The following CTNNA2 variants were observed in gnomAD, a reference collection of about 807,000 sequenced individuals.
The protein encoded by CTNNA2 is catenin alpha-2.
Under a neutral mutation model 101.0 loss-of-function variants are expected in CTNNA2, and 42 were observed. The ratio of observed to expected loss-of-function variants is 0.42; its 90% CI spans 0.32 to 0.54. The LOEUF is 0.54. Ranked by LOEUF, CTNNA2 falls within the 20% of genes least tolerant of loss-of-function variation. The pLI, the probability that CTNNA2 is intolerant of heterozygous loss-of-function variation, is 0.14. For synonymous variants in CTNNA2, 450 were observed against 456.4 expected (o/e 0.99, Z 0.18); for missense variants, 871 against 1,223.1 (o/e 0.71, Z 4.29).
upstream of CTNNA2, among the ~76,000 whole-genome samples, chr2:79,508,986 TATATATATATATATATATATATATATAA>T (rs1338124952): frequency 9.4e-5 from 4 of 42,474 alleles, no homozygotes; most frequent in Admixed American, 4.1e-4. Flanking sequence ...TATATATATA[TATATATATATATATATATATATATATAA>T]ACAATTACCT....
At chr2:79,755,795 G>C (rs756676758) in intron 3 of CTNNA2, among the ~76,000 whole-genome samples, 1 of 152,096 alleles carries the variant, frequency 6.6e-6, no homozygotes, top group Non-Finnish European at 1.5e-5. Flanking sequence ...CCATGGAAAA[G>C]TATGCTATCT....
chr2:80,215,910 C>T (rs1173474897), intron 7 of CTNNA2, among the ~76,000 whole-genome samples: 4 of 152,308 alleles, frequency 2.6e-5, no homozygotes, highest in South Asian at 4.1e-4. Context: ...TGGGCTCCAC[C>T]CAATTCGAGC....
chr2:79,495,644 T>G (rs909083235), intron 4 of CTNNA2, among the ~76,000 whole-genome samples: 3 of 152,150 alleles, frequency 2.0e-5, no homozygotes, highest in African/African-American at 7.2e-5. Context: ...TATAACACAT[T>G]CGATACACAG....
At chr2:80,405,675 G>C (rs1281568331) in intron 8 of CTNNA2, among the ~76,000 whole-genome samples, 2 of 152,102 alleles carry the variant, frequency 1.3e-5, no homozygotes, top group Non-Finnish European at 2.9e-5. Context: ...TTTCATTTTA[G>C]CTGGGGGAAT....
chr2:79,214,297 A>T (rs536180722), intron 2 of CTNNA2, among the ~76,000 whole-genome samples: 251 of 152,246 alleles, frequency 1.6e-3, no homozygotes, highest in African/African-American at 5.4e-3. Flanking sequence ...GCTGGGATGA[A>T]GGGTGCAAAG....
At chr2:79,289,865 G>A (rs762587201) in intron 2 of CTNNA2, among the ~76,000 whole-genome samples, 10 of 152,264 alleles carry the variant, frequency 6.6e-5, no homozygotes, top group African/African-American at 1.4e-4. Context: ...TAGGAGTGAG[G>A]GCTCTAGAGC....
chr2:79,533,744 C>CTT (rs1573269345), intron 1 of CTNNA2, among the ~76,000 whole-genome samples: 1 of 152,038 alleles, frequency 6.6e-6, no homozygotes, highest in Non-Finnish European at 1.5e-5. Flanking sequence ...ACTTGGGAAA[C>CTT]GACTTGCTTT....
At chr2:79,858,739 T>G (rs953926246) in intron 4 of CTNNA2, among the ~76,000 whole-genome samples, 3 of 152,182 alleles carry the variant, frequency 2.0e-5, no homozygotes, top group African/African-American at 7.2e-5. Context: ...AAGCCTGGCA[T>G]CTAACATACC....
chr2:79,576,882 G>A (rs188617018), intron 1 of CTNNA2, among the ~76,000 whole-genome samples: 1 of 152,206 alleles, frequency 6.6e-6, no homozygotes, highest in Admixed American at 6.5e-5. Context: ...GAGAAAGAAA[G>A]GCCTACTAAA....
intron 7 of CTNNA2, among the ~76,000 whole-genome samples, chr2:80,390,021 T>G (rs985842789): frequency 6.6e-6 from 1 of 152,330 alleles, no homozygotes; most frequent in Middle Eastern, 3.4e-3. Flanking sequence ...CTTATAGAAA[T>G]AATTTGTCTC....
intron 7 of CTNNA2, among the ~76,000 whole-genome samples, chr2:80,020,420 T>C (rs1694476167): frequency 6.6e-6 from 1 of 152,212 alleles, no homozygotes; most frequent in Non-Finnish European, 1.5e-5. Context: ...AATCTGCTCA[T>C]TGGCATGGAG....
At chr2:79,708,043 A>G (rs1320759983) in intron 2 of CTNNA2, among the ~76,000 whole-genome samples, 5 of 152,158 alleles carry the variant, frequency 3.3e-5, no homozygotes, top group African/African-American at 9.7e-5. Flanking sequence ...TAGACCTTTC[A>G]CTTCTATAAT....
At chr2:79,218,352 T>TGTGTGTGTGTA (rs1491322056) in intron 2 of CTNNA2, among the ~76,000 whole-genome samples, 5,538 of 81,952 alleles carry the variant, frequency 0.068, 140 homozygotes, top group Middle Eastern at 0.1. Flanking sequence ...TGTGTGTGTA[T>TGTGTGTGTGTA]TTTTTTTTTT....
intron 7 of CTNNA2, among the ~76,000 whole-genome samples, chr2:80,227,931 T>C (rs1197215124): frequency 6.6e-6 from 1 of 151,972 alleles, no homozygotes; most frequent in Non-Finnish European, 1.5e-5. Context: ...TGGGGAAGTG[T>C]GGACAAATTT....
chr2:80,350,373 T>G (rs377588852), intron 7 of CTNNA2, among the ~76,000 whole-genome samples: 91 of 152,348 alleles, frequency 6.0e-4, no homozygotes, highest in South Asian at 3.3e-3. Context: ...TCTTTAAAAC[T>G]GTGCCATCAT....
chr2:79,189,443 T>C lies in CTNNA2; in HGVS notation c.-524+4012T>C, dbSNP rs771959494. Among the ~76,000 whole-genome samples, 3 of 152,192 alleles carry C rather than the reference T, an allele frequency of 2.0e-5. No individual in the cohort carries two copies. The East Asian group carries it at 5.8e-4, about 29-fold the overall frequency. On this transcript the variant is annotated intron_variant, in intron 1 of 21. Transcript: ENST00000466387. ...TCCTTCTACTCTCCAAGAGTTGTTA[T>C]TTTCTTCTCTGTTCTTTTAAAATGG...
intron 4 of CTNNA2, among the ~76,000 whole-genome samples, chr2:79,388,431 T>A (rs1040998333): frequency 6.6e-6 from 1 of 152,222 alleles, no homozygotes; most frequent in African/African-American, 2.4e-5. Flanking sequence ...TTCCCAAAAG[T>A]ATAGAACCAG....
chr2:79,569,750 A>G (rs566477426), intron 1 of CTNNA2, among the ~76,000 whole-genome samples: 263 of 152,310 alleles, frequency 1.7e-3, no homozygotes, highest in African/African-American at 6.0e-3. Flanking sequence ...AAACATATGT[A>G]GGCTCAGGCT....
intron 4 of CTNNA2, among the ~76,000 whole-genome samples, chr2:79,485,612 T>G (rs1345468538): frequency 6.6e-6 from 1 of 152,224 alleles, no homozygotes; most frequent in Non-Finnish European, 1.5e-5. Context: ...TGATAGGCAC[T>G]GAGAGCAGCA....
Sources: allele counts gnomAD v4.1 joint callset (sites outside exome capture counted in the v4.1 genomes callset), GRCh38; gene constraint gnomAD v4.1.1; transcripts MANE v1.5; gene names NCBI Gene and HGNC (gene_info 2026-07-23, HGNC 2026-07-21).